Variants in MBNL1 observed in about 807,000 individuals in gnomAD.
MBNL1 encodes the protein muscleblind like splicing regulator 1, also known as muscleblind-like protein 1.
In MBNL1, 8 loss-of-function variants were observed where a neutral mutation model predicts 42.2. That is an observed-to-expected ratio of 0.19 (90% CI 0.11 to 0.34). MBNL1 has a LOEUF of 0.34. Ranked by LOEUF, MBNL1 falls within the 10% of genes least tolerant of loss-of-function variation. MBNL1 has a pLI of 1.00. For synonymous variants in MBNL1, 169 were observed against 173.9 expected, an observed-to-expected ratio of 0.97 and a Z score of 0.22; for missense variants, 309 against 495.3, an observed-to-expected ratio of 0.62 and a Z score of 3.57.
At chr3:152,322,367 A>G (rs769046571) in intron 2 of MBNL1, among the ~76,000 whole-genome samples, 10 of 152,130 alleles carry the variant, frequency 6.6e-5, no homozygotes, top group Non-Finnish European at 1.3e-4. Context: ...AAAAAAACAC[A>G]AACTATTAGA....
chr3:152,271,646 T>C (rs1037732006), intron 1 of MBNL1, among the ~76,000 whole-genome samples: 1 of 152,088 alleles, frequency 6.6e-6, no homozygotes, highest in Non-Finnish European at 1.5e-5. Flanking sequence ...GGGTGGGTAG[T>C]AGATATGAGA....
At chr3:152,336,760 G>T (rs2090496135) in intron 2 of MBNL1, among the ~76,000 whole-genome samples, 1 of 152,080 alleles carries the variant, frequency 6.6e-6, no homozygotes, top group African/African-American at 2.4e-5. Context: ...TATATATTTT[G>T]CAGGTGAGGG....
intron 2 of MBNL1, among the ~76,000 whole-genome samples, chr3:152,342,554 A>ACG (rs1491382457): frequency 1.0e-4 from 1 of 9,922 alleles, no homozygotes; most frequent in Non-Finnish European, 2.5e-4. Context: ...ACTAAACAAA[A>ACG]CACACACACA....
chr3:152,340,436 T>C, intron 2 of MBNL1: 1 of 1,464,052 alleles, frequency 6.8e-7, no homozygotes, highest in South Asian at 1.4e-5. Flanking sequence ...CAAGTTCAGT[T>C]CCATTTTTTT....
At chr3:152,319,911 C>CTGA (rs1167150961) in intron 2 of MBNL1, among the ~76,000 whole-genome samples, 1 of 151,984 alleles carries the variant, frequency 6.6e-6, no homozygotes, top group Admixed American at 6.6e-5. Flanking sequence ...GTACAGTGAT[C>CTGA]ATCAAATGCA....
intron 1 of MBNL1, among the ~76,000 whole-genome samples, chr3:152,278,929 G>A (rs149466267): frequency 2.3e-4 from 35 of 152,192 alleles, no homozygotes; most frequent in Middle Eastern, 3.4e-3. Context: ...TTAATGCAAG[G>A]CACTATACAA....
At chr3:152,258,798 C>T (rs932851664) in intron 2 of MBNL1, among the ~76,000 whole-genome samples, 3 of 152,216 alleles carry the variant, frequency 2.0e-5, no homozygotes, top group Admixed American at 6.5e-5. Flanking sequence ...CACATATCGT[C>T]TAAGCATACC....
intron 3 of MBNL1, among the ~76,000 whole-genome samples, chr3:152,425,053 A>G (rs574910243): frequency 6.6e-6 from 1 of 152,348 alleles, no homozygotes; most frequent in African/African-American, 2.4e-5. Context: ...GCCAAAATTG[A>G]CAAATGGGAT....
intron 3 of MBNL1, among the ~76,000 whole-genome samples, chr3:152,419,709 GTT>G (rs2098769028): frequency 6.6e-6 from 1 of 151,644 alleles, no homozygotes; most frequent in African/African-American, 2.4e-5. Context: ...TTGTTTGTTT[GTT>G]TGTTTGTTTG....
chr3:152,448,487 CTG>C, intron 6 of MBNL1, among the ~76,000 whole-genome samples: 1 of 152,232 alleles, frequency 6.6e-6, no homozygotes, highest in South Asian at 2.1e-4. Context: ...TTTATTCACT[CTG>C]AACTTACTTC....
intron 2 of MBNL1, among the ~76,000 whole-genome samples, chr3:152,378,732 T>C (rs1392378071): frequency 6.6e-6 from 1 of 152,164 alleles, no homozygotes; most frequent in Non-Finnish European, 1.5e-5. Context: ...TATTTTATAT[T>C]TAGAGACAAG....
intron 2 of MBNL1, among the ~76,000 whole-genome samples, chr3:152,355,494 TTGG>T (rs1375289448): frequency 6.6e-6 from 1 of 152,212 alleles, no homozygotes; most frequent in African/African-American, 2.4e-5. Context: ...TACTGTGTAT[TTGG>T]TAATCCTGGA....
upstream of MBNL1, chr3:152,264,464 CTGTT>C (rs1311017907): frequency 1.3e-5 from 2 of 151,888 alleles, no homozygotes; most frequent in African/African-American, 4.8e-5. Context: ...ACTGGGGAAA[CTGTT>C]AGGCCTATTT....
chr3:152,310,637 T>C (rs17434525), intron 2 of MBNL1, among the ~76,000 whole-genome samples: 10,995 of 152,338 alleles, frequency 0.072, 518 homozygotes, highest in Middle Eastern at 0.17. Flanking sequence ...ACATTTTTTC[T>C]TAATCTAGAA....
rs1439083871 is a variant in MBNL1, at chr3:152,335,185, A to G, written c.174+34818A>G. The stretch of plus-strand genomic sequence containing the variant: ...TGGCACCATGGCAAGAAGAAGCTGT[A>G]TCTTATCTATGGAAGATAAAGCATG... On this transcript the variant is annotated intron_variant, in intron 2 of 9. Coordinates refer to ENST00000324210, the MANE Select transcript of MBNL1 (RefSeq NM_021038.5). 6 of 1,289,632 alleles carry G rather than the reference A, an allele frequency of 4.7e-6. No homozygotes were observed. The South Asian group carries it at 4.9e-5, about 11-fold the overall frequency. The allele number at this position is 1,289,632 out of a possible 1,614,324, so 79.9% of individuals were successfully genotyped here.
intron 2 of MBNL1, among the ~76,000 whole-genome samples, chr3:152,244,593 C>T (rs1262674979): frequency 6.6e-6 from 1 of 152,128 alleles, no homozygotes; most frequent in East Asian, 1.9e-4. Context: ...AAGTTTAATA[C>T]ATTTACAAAG....
intron 2 of MBNL1, among the ~76,000 whole-genome samples, chr3:152,251,653 A>G (rs925190025): frequency 6.6e-6 from 1 of 151,874 alleles, no homozygotes; most frequent in Admixed American, 6.6e-5. Flanking sequence ...ACATTTCCCC[A>G]TGATTAGATT....
intron 6 of MBNL1, 131 bp from the exon 7 acceptor site, chr3:152,455,411 C>T (rs1025263307): frequency 1.2e-5 from 9 of 724,234 alleles, no homozygotes; most frequent in Non-Finnish European, 2.3e-5. Context: ...CTGACAGTTA[C>T]ATGCCACTGT....
At position 152,465,714 on chromosome 3, in the gene MBNL1, G is replaced by A. The variant is rs939024418; in HGVS notation, c.*3348G>A. Reference sequence around the variant, plus strand: ...TTATGCTTATTTTATTATTACTGCAGTAGTTGACTTTGCTGTATGGAAAAA... The same window carrying A: ...TTATGCTTATTTTATTATTACTGCAATAGTTGACTTTGCTGTATGGAAAAA... On this transcript the variant is annotated 3_prime_UTR_variant, in exon 10 of 10. Transcript: ENST00000324210. 2.6e-5 allele frequency: 4 copies of A among 152,512 alleles called. No homozygotes were observed. Among genetic ancestry groups the A allele is most frequent in the African/African-American group, 4.8e-5 (2 of 41,442 alleles). The allele number at this position is 152,512 out of a possible 1,614,324, so 9.4% of individuals were successfully genotyped here.
Sources: gnomAD v4.1 joint callset for allele counts (sites outside exome capture counted in the v4.1 genomes callset) on GRCh38, gnomAD v4.1.1 for gene constraint, MANE v1.5 for transcripts, NCBI Gene and HGNC (gene_info 2026-07-23, HGNC 2026-07-21) for gene names.